FRMPD4: variants seen among roughly 807,000 people sequenced by gnomAD.
FRMPD4 encodes the protein FERM and PDZ domain containing 4.
FRMPD4 carries 22 observed loss-of-function variants against 94.1 expected under a neutral mutation model. The ratio of observed to expected loss-of-function variants is 0.23; its 90% confidence interval spans 0.17 to 0.33. The LOEUF is 0.33. Among genes scored for constraint, FRMPD4 ranks in the 10% least tolerant of loss-of-function variants. FRMPD4 has a pLI of 1.00. For missense variants in FRMPD4, 1,111 were observed against 1,339.9 expected, an observed-to-expected ratio of 0.83 and a Z score of 2.67; for synonymous variants, 631 against 548.6, an observed-to-expected ratio of 1.15 and a Z score of -2.10.
chrX:12,107,531 G>A (rs909741160), intron 3 of FRMPD4, among the ~76,000 whole-genome samples: 4 of 112,257 alleles, frequency 3.6e-5, no homozygotes, highest in Admixed American at 1.9e-4. Flanking sequence ...TGCCAGCAAC[G>A]GAACAAAGTT....
At chrX:11,870,577 G>C (rs191796042) in intron 2 of FRMPD4, among the ~76,000 whole-genome samples, 113 of 111,418 alleles carry the variant, frequency 1.0e-3, no homozygotes, top group African/African-American at 3.4e-3. Flanking sequence ...TTCAGCCCGG[G>C]GTGAGAGGGG....
At chrX:11,847,236 C>T (rs1193328097) in intron 1 of FRMPD4, among the ~76,000 whole-genome samples, 2 of 110,556 alleles carry the variant, frequency 1.8e-5, no homozygotes, top group East Asian at 2.8e-4. Flanking sequence ...TGAACAGACA[C>T]GTCTCAAAAG....
At chrX:11,834,132 T>C (rs1012356932) in intron 1 of FRMPD4, among the ~76,000 whole-genome samples, 2 of 111,725 alleles carry the variant, frequency 1.8e-5, no homozygotes, top group Non-Finnish European at 3.8e-5. Context: ...CTCTTAGTCC[T>C]TTTCTCTCCA....
intron 1 of FRMPD4, among the ~76,000 whole-genome samples, chrX:12,350,703 G>A (rs2055789322): frequency 8.9e-6 from 1 of 112,708 alleles, no homozygotes; most frequent in Admixed American, 9.4e-5. Flanking sequence ...AAAACTGGAG[G>A]TGAGCAAGGA....
At chrX:12,393,587 C>T (rs2056505259) in intron 1 of FRMPD4, among the ~76,000 whole-genome samples, 2 of 111,805 alleles carry the variant, frequency 1.8e-5, no homozygotes, top group Admixed American at 1.9e-4. Flanking sequence ...TGTACAGAAG[C>T]CCCATTTTTA....
At chrX:12,479,736 G>C (rs1432217261) in intron 1 of FRMPD4, among the ~76,000 whole-genome samples, 1 of 109,429 alleles carries the variant, frequency 9.1e-6, no homozygotes, top group Non-Finnish European at 1.9e-5. Flanking sequence ...CTGGGCTCAA[G>C]TGATCCTCCC....
chrX:12,051,277 A>G (rs6639136), intron 3 of FRMPD4, among the ~76,000 whole-genome samples: 6,871 of 111,409 alleles, frequency 0.062, 246 homozygotes, highest in East Asian at 0.23. Context: ...GGTGATGAGT[A>G]CATAAGTATT....
chrX:11,908,774 G>A (rs1193838676), intron 3 of FRMPD4, among the ~76,000 whole-genome samples: 1 of 111,433 alleles, frequency 9.0e-6, no homozygotes, highest in Non-Finnish European at 1.9e-5. Context: ...CTATTTTTAG[G>A]CCCTTGAAAT....
intron 1 of FRMPD4, among the ~76,000 whole-genome samples, chrX:12,435,758 G>T (rs1271560715): frequency 9.0e-6 from 1 of 111,668 alleles, no homozygotes; most frequent in Admixed American, 9.5e-5. Context: ...AATAGTTATT[G>T]TAAGATAGGA....
intron 3 of FRMPD4, among the ~76,000 whole-genome samples, chrX:11,925,914 A>G (rs1490730107): frequency 1.8e-5 from 2 of 111,680 alleles, no homozygotes; most frequent in Non-Finnish European, 3.8e-5. Flanking sequence ...AAGGATATTG[A>G]GACATGAAAA....
At chrX:12,604,725 G>A (rs1252007520) in intron 2 of FRMPD4, among the ~76,000 whole-genome samples, 4 of 111,452 alleles carry the variant, frequency 3.6e-5, no homozygotes, top group South Asian at 3.8e-4. Flanking sequence ...GAAAACTTAC[G>A]TCATGAGGGT....
intron 2 of FRMPD4, among the ~76,000 whole-genome samples, chrX:12,583,211 CCCTT>C (rs766914624): frequency 4.0e-4 from 45 of 113,113 alleles, no homozygotes; most frequent in South Asian, 1.4e-3. Flanking sequence ...TTACTCAGCT[CCCTT>C]CCAGGGCAAG....
intron 1 of FRMPD4, among the ~76,000 whole-genome samples, chrX:12,325,296 G>T (rs752222465): frequency 8.9e-6 from 1 of 112,403 alleles, no homozygotes; most frequent in Non-Finnish European, 1.9e-5. Flanking sequence ...TTCACTTTGA[G>T]GCAGTTTTAA....
At chrX:11,999,534 A>G (rs937821007) in intron 3 of FRMPD4, among the ~76,000 whole-genome samples, 1 of 112,335 alleles carries the variant, frequency 8.9e-6, no homozygotes, top group African/African-American at 3.2e-5. Context: ...GATAAACAAC[A>G]TTGGGTGTAT....
intron 1 of FRMPD4, among the ~76,000 whole-genome samples, chrX:12,387,533 G>C (rs1039764857): frequency 1.8e-5 from 2 of 111,921 alleles, no homozygotes; most frequent in African/African-American, 6.5e-5. Flanking sequence ...CGATTGAAGA[G>C]AGAGGTTGAA....
intron 1 of FRMPD4, among the ~76,000 whole-genome samples, chrX:12,246,703 C>A: frequency 9.2e-6 from 1 of 109,016 alleles, no homozygotes; most frequent in South Asian, 4.0e-4. Flanking sequence ...ATAGTACAGA[C>A]AAAAGGAGAT....
chrX:12,611,774 A>C (rs1179453294), intron 3 of FRMPD4, among the ~76,000 whole-genome samples: 1 of 112,287 alleles, frequency 8.9e-6, no homozygotes, highest in East Asian at 2.7e-4. Flanking sequence ...TTTTTATTTC[A>C]TTAAATGTAG....
Position 12,718,400 on chromosome X carries a change from G to A in FRMPD4, c.3574G>A (p.Asp1192Asn), listed in dbSNP as rs1420816995. 1.7e-6 allele frequency: 2 copies of A among 1,210,172 alleles called. No homozygotes were observed. Among genetic ancestry groups the A allele is most frequent in the Non-Finnish European group, 2.2e-6 (2 of 895,088 alleles). The part of the protein sequence containing the change: ...EADESVARLC[D>N]YHLAKRMSSL... ...TGATGAGAGTGTGGCCCGCCTTTGT[G>A]ACTACCACTTGGCCAAGCGGATGTC... Residue 1192 changes from aspartate to asparagine, a missense_variant, in exon 16 of 17, where the codon GAC (aspartate) becomes AAC (asparagine). Physicochemically the swap from Asp to Asn is conservative, Grantham distance 23 (BLOSUM62 1). Transcript: ENST00000675598.
At chrX:12,533,480 T>G (rs769265114) in intron 2 of FRMPD4, among the ~76,000 whole-genome samples, 1 of 111,672 alleles carries the variant, frequency 9.0e-6, no homozygotes, top group South Asian at 3.8e-4. Flanking sequence ...TTGAACAGTT[T>G]GGAGGGCTCA....
Sources: allele counts gnomAD v4.1 joint callset (sites outside exome capture counted in the v4.1 genomes callset), GRCh38; gene constraint gnomAD v4.1.1; transcripts MANE v1.5; gene names NCBI Gene and HGNC (gene_info 2026-07-23, HGNC 2026-07-21).